MEGF8: variants seen among roughly 807,000 people sequenced by gnomAD.
MEGF8 encodes multiple epidermal growth factor-like domains protein 8.
In MEGF8, 156 loss-of-function variants were observed where a neutral mutation model predicts 302.9. The ratio of observed to expected loss-of-function variants is 0.52; its 90% CI spans 0.45 to 0.59. The LOEUF is 0.59. Ranked by LOEUF, MEGF8 falls within the 20% of genes least tolerant of loss-of-function variation. The pLI, the probability that MEGF8 is intolerant of heterozygous loss-of-function variation, is 0.00. For missense variants in MEGF8, 3,345 were observed against 3,964.5 expected (o/e 0.84, Z 4.20); for synonymous variants, 1,621 against 1,660.5 (o/e 0.98, Z 0.58).
intron 31 of MEGF8, among the ~76,000 whole-genome samples, chr19:42,360,229 A>G (rs1293985604): frequency 1.4e-5 from 2 of 147,556 alleles, no homozygotes; most frequent in Non-Finnish European, 3.0e-5. Context: ...GTTCGAAAAC[A>G]TTTGTCTCTC....
At chr19:42,363,617 T>C (rs2039564226) in intron 35 of MEGF8, among the ~76,000 whole-genome samples, 1 of 152,182 alleles carries the variant, frequency 6.6e-6, no homozygotes, top group Non-Finnish European at 1.5e-5. Flanking sequence ...ATTCATAGGT[T>C]CACATCCACG....
chr19:42,344,591 T>C lies in MEGF8; in HGVS notation c.1933+6T>C, dbSNP rs1460356055. The C allele has an allele frequency of 2.5e-6, 4 of 1,587,592 alleles. No individual in the cohort carries two copies. Among genetic ancestry groups the C allele is most frequent in the Admixed American group, 1.7e-5 (1 of 58,582 alleles). ...GAGCTGCCTCCCTAGGCCTGGTGAG[T>C]GTCCGCAGCAGTGGGCCGGCAGGAG... On this transcript the variant is annotated splice_donor_region_variant and intron_variant, in intron 11 of 41. Transcript: ENST00000251268. This position sits in a 1 kb window ranked among gnomAD's most constrained non-coding sequence, Gnocchi z 4.5.
intron 9 of MEGF8, 31 bp downstream of exon 9, chr19:42,343,662 C>A: frequency 6.4e-7 from 1 of 1,572,064 alleles, no homozygotes; most frequent in East Asian, 2.3e-5. Context: ...GAAAGGGTGG[C>A]TGGGGGGAGG....
chr19:42,348,845 G>A lies in MEGF8; in HGVS notation c.2298+373G>A, dbSNP rs563232140. On this transcript the variant is annotated intron_variant, in intron 13 of 41. Coordinates refer to ENST00000251268, the MANE Select transcript of MEGF8 (RefSeq NM_001271938.2). ...TGGAACTCCTGACCTCAGATGATCC[G>A]CCACCTTGGCCTCCCAAAGTGCTGG... is the stretch of plus-strand genomic sequence containing the variant. Among the ~76,000 whole-genome samples, 6 of 152,308 alleles carry A rather than the reference G, an allele frequency of 3.9e-5. No homozygotes were observed. The East Asian group carries it at 5.8e-4, about 15-fold the overall frequency.
In MEGF8 at chr19:42,375,146, G is replaced by A. The variant is rs1435936505; in HGVS notation, c.7270-361G>A. 1.3e-5 allele frequency among the ~76,000 whole-genome samples: 2 copies of A among 152,182 alleles called. No individual in the cohort carries two copies. The highest frequency in any genetic ancestry group is 2.4e-5 in the African/African-American group (1 of 41,438). On this transcript the variant is annotated intron_variant, in intron 41 of 41. Transcript: ENST00000251268. The surrounding 1 kb of genome is among the most constrained non-coding windows in gnomAD (Gnocchi z 7.1). ...CAGAGCTCATGGGTTAAGTCTGTGT[G>A]CTCAGGCTCAGTGAGGTTAAGTCAC...
In MEGF8 at chr19:42,349,619, G is replaced by T. The variant is rs1169002649; in HGVS notation, c.2419G>T (p.Gly807Cys). 1 of 1,612,182 alleles carries T rather than the reference G, an allele frequency of 6.2e-7. No individual in the cohort carries two copies. Among genetic ancestry groups the T allele is most frequent in the Non-Finnish European group, 8.5e-7 (1 of 1,179,802 alleles). Reference protein sequence around the residue: ...RDHKYAVEIQGQLNGSAGPGH... With the variant: ...RDHKYAVEIQCQLNGSAGPGH... ...CCACAAGTATGCAGTAGAGATCCAG[G>T]GCCAGCTCAATGGCTCGGCAGGCCC... is the stretch of plus-strand genomic sequence containing the variant. Residue 807 changes from glycine (G) to cysteine (C), a missense_variant, in exon 14 of 42, where the codon GGC becomes TGC. Coordinates refer to ENST00000251268, the MANE Select transcript of MEGF8 (RefSeq NM_001271938.2).
rs200838638 is a variant in MEGF8 at position 42,353,033 on chromosome 19, G to A, written c.3456G>A (p.Pro1152=). The change falls in exon 20 of 42, where the codon CCG becomes CCA. Residue 1152 remains proline, a synonymous_variant. Coordinates refer to ENST00000251268, the MANE Select transcript of MEGF8 (RefSeq NM_001271938.2). The surrounding 1 kb of genome is among the most constrained non-coding windows in gnomAD (Gnocchi z 6.1). ...ACCTGCCCCCTCCCACACCCGCCCC[G>A]GGTCCGCCAGCCCCCCGCTGCTCCC... ...TSDLPPPTPA[P]GPPAPRCSRD... 1.7e-4 allele frequency: 259 copies of A among 1,554,840 alleles called. No homozygotes were observed. In the East Asian group the frequency reaches 2.7e-3, roughly 16 times the overall value.
chr19:42,357,834 G>C lies in MEGF8; in HGVS notation c.5011+250G>C, dbSNP rs1245061197. Among the ~76,000 whole-genome samples, 5 of 152,102 alleles carry C rather than the reference G, an allele frequency of 3.3e-5. No individual in the cohort carries two copies. Among genetic ancestry groups the C allele is most frequent in the Non-Finnish European group, 7.4e-5 (5 of 67,992 alleles). ...CCTGCCCCCAGGGTCTGAGCTCCCT[G>C]CTTCTCAAGGGTTCTTCCTCGATCA... On this transcript the variant is annotated intron_variant, in intron 28 of 41. Transcript: ENST00000251268. This position sits in a 1 kb window ranked among gnomAD's most constrained non-coding sequence, Gnocchi z 5.2.
At position 42,376,883 on chromosome 19, in the gene MEGF8, T is replaced by A; in HGVS notation, c.*108T>A. The A allele has an allele frequency of 7.9e-7, 1 of 1,260,660 alleles. No individual in the cohort carries two copies. Among genetic ancestry groups the A allele is most frequent in the Non-Finnish European group, 1.0e-6 (1 of 968,048 alleles). The allele number at this position is 1,260,660 out of a possible 1,614,324, so 78.1% of individuals were successfully genotyped here. A position where few individuals can be genotyped will look rare whatever the true frequency, so the allele number is the denominator to read the frequency against. ...TGGACACTGTCTACTTGGAGACCAC[T>A]GGCCCCCTTCCCCCAGGGTTGCCCA... On this transcript the variant is annotated 3_prime_UTR_variant, in exon 42 of 42. Coordinates refer to ENST00000251268, the MANE Select transcript of MEGF8 (RefSeq NM_001271938.2). The surrounding 1 kb of genome is among the most constrained non-coding windows in gnomAD (Gnocchi z 8.2).
In MEGF8 at chr19:42,344,884, G is replaced by C. The variant is rs2039267229; in HGVS notation, c.2097+51G>C. ...GGGGTGTTGATGATCCTGATCCTAG[G>C]GTTTGTTTTTTCTCAAATGCATCTT... On this transcript the variant is annotated intron_variant, in intron 12 of 41. Transcript: ENST00000251268. This position sits in a 1 kb window ranked among gnomAD's most constrained non-coding sequence, Gnocchi z 4.5. The C allele has an allele frequency of 1.0e-5, 15 of 1,457,734 alleles. No individual in the cohort carries two copies. Among genetic ancestry groups the C allele is most frequent in the Non-Finnish European group, 1.4e-5 (15 of 1,098,036 alleles). 90.3% of individuals were successfully genotyped at this position (1,457,734 alleles called of 1,614,324 possible). A position where few individuals can be genotyped will look rare whatever the true frequency, so the allele number is the denominator to read the frequency against.
chr19:42,373,424 A>G (rs2039720040), intron 41 of MEGF8, among the ~76,000 whole-genome samples: 1 of 151,666 alleles, frequency 6.6e-6, no homozygotes, highest in Non-Finnish European at 1.5e-5. Context: ...TTTTTAAGAC[A>G]GGGTCTGGCT....
chr19:42,369,930 G>C lies in MEGF8; in HGVS notation c.6834+207G>C, dbSNP rs10407085. Among the ~76,000 whole-genome samples, 3,395 of 152,332 alleles carry C rather than the reference G, an allele frequency of 0.022. 134 individuals carry two copies. The highest frequency in any genetic ancestry group is 0.076 in the African/African-American group (3,149 of 41,574). On this transcript the variant is annotated intron_variant, in intron 38 of 41. Coordinates refer to ENST00000251268, the MANE Select transcript of MEGF8 (RefSeq NM_001271938.2). The surrounding 1 kb of genome is among the most constrained non-coding windows in gnomAD (Gnocchi z 5.7). ...GAGGGTCTGCCCTGGAATAGTGGACGGAGTGGGTGCTGCGCCAGGAGGACA... is the reference window on the plus strand; with the variant it reads ...GAGGGTCTGCCCTGGAATAGTGGACCGAGTGGGTGCTGCGCCAGGAGGACA...
At position 42,351,529 on chromosome 19, in the gene MEGF8, C is replaced by A; in HGVS notation, c.2956C>A (p.Pro986Thr). The A allele has an allele frequency of 6.2e-7, 1 of 1,609,334 alleles. No homozygotes were observed. The highest frequency in any genetic ancestry group is 2.2e-5 in the East Asian group (1 of 44,674). Residue 986 changes from proline (P) to threonine (T), a missense_variant, in exon 17 of 42, where the codon CCA becomes ACA. Pro to Thr is a conservative substitution (Grantham distance 38). Coordinates refer to ENST00000251268, the MANE Select transcript of MEGF8 (RefSeq NM_001271938.2). This position sits in a 1 kb window ranked among gnomAD's most constrained non-coding sequence, Gnocchi z 5.6. ...FLFAAYLARY[P>T]HGGCRGWDDS... is the part of the protein sequence containing the mutation. ...GTTTGCTGCCTACTTGGCCCGGTAC[C>A]CACACGGGGGCTGTCGAGGCTGGGA...
chr19:42,348,587 GA>G lies in MEGF8; in HGVS notation c.2298+116del, dbSNP rs2039323440. ...CTGGGGAAGGGCTGGGGAGAAATTA[GA>G]GGCAGGAGATGGATTTTTTGTGTGT... On this transcript the variant is annotated intron_variant, in intron 13 of 41. Transcript: ENST00000251268. 5.8e-6 allele frequency: 6 copies of G among 1,040,882 alleles called. No individual in the cohort carries two copies. The Admixed American group carries it at 1.2e-4, about 20-fold the overall frequency. 64.5% of individuals were successfully genotyped at this position (1,040,882 alleles called of 1,614,324 possible). A position where few individuals can be genotyped will look rare whatever the true frequency, so the allele number is the denominator to read the frequency against.
At position 42,368,741 on chromosome 19, in the gene MEGF8, C is replaced by A; in HGVS notation, c.6481+79C>A. ...ATACAGTGAACATAGGGATACTGGG[C>A]CAGACCCAGAGGTGGGGCTCAGAGG... On this transcript the variant is annotated intron_variant, in intron 36 of 41. Transcript: ENST00000251268. This position sits in a 1 kb window ranked among gnomAD's most constrained non-coding sequence, Gnocchi z 4.9. The A allele has an allele frequency of 6.5e-7, 1 of 1,549,884 alleles. No homozygotes were observed. Among genetic ancestry groups the A allele is most frequent in the Non-Finnish European group, 8.7e-7 (1 of 1,148,746 alleles).
chr19:42,337,840 G>A lies in MEGF8; in HGVS notation c.1513+634G>A, dbSNP rs540608520. On this transcript the variant is annotated intron_variant, in intron 8 of 41. Coordinates refer to ENST00000251268, the MANE Select transcript of MEGF8 (RefSeq NM_001271938.2). ...TTTTTTTGAGAGGGAGTCTCGCTCC[G>A]TCGCCCGGGCTAGAGTGCAGTAGCG... Among the ~76,000 whole-genome samples the A allele has an allele frequency of 8.0e-5, 12 of 149,284 alleles. No individual in the cohort carries two copies. The East Asian group carries it at 1.2e-3, about 15-fold the overall frequency.
Position 42,344,014 on chromosome 19 carries a change from T to C in MEGF8, c.1729T>C (p.Cys577Arg). The change falls in exon 10 of 42, where the codon TGC (cysteine) becomes CGC (arginine). Residue 577 changes from cysteine to arginine, a missense_variant. Cys to Arg is a radical substitution (Grantham distance 180). Coordinates refer to ENST00000251268, the MANE Select transcript of MEGF8 (RefSeq NM_001271938.2). This position sits in a 1 kb window ranked among gnomAD's most constrained non-coding sequence, Gnocchi z 4.5. ...CAGCGTCTGCTCCCGGGACCCGGAATGCAGTTGGTGCCAAGGAGCCTGCCA... is the reference window on the plus strand; with the variant it reads ...CAGCGTCTGCTCCCGGGACCCGGAACGCAGTTGGTGCCAAGGAGCCTGCCA... The part of the protein sequence containing the change: ...DHSVCSRDPE[C>R]SWCQGACQAA... 1 of 1,613,804 alleles carries C rather than the reference T, an allele frequency of 6.2e-7. No individual in the cohort carries two copies. The highest frequency in any genetic ancestry group is 8.5e-7 in the Non-Finnish European group (1 of 1,179,780).
Position 42,326,320 on chromosome 19 carries a change from G to T in MEGF8, c.77G>T (p.Arg26Leu), listed in dbSNP as rs377001753. 7.1e-5 allele frequency: 111 copies of T among 1,566,852 alleles called. No homozygotes were observed. The Middle Eastern group carries it at 2.2e-3, about 31-fold the overall frequency. ...CTGGGGTCGCTGTCCCCTGGGGCCC[G>T]GGCGGGGGACTGCAAGGGGCAGCGG... ...AVLGSLSPGA[R>L]AGDCKGQRQV... Residue 26 changes from arginine to leucine, a missense_variant, in exon 1 of 42, where the codon CGG (arginine) becomes CTG (leucine). Coordinates refer to ENST00000251268, the MANE Select transcript of MEGF8 (RefSeq NM_001271938.2).
chr19:42,352,969 C>T lies in MEGF8; in HGVS notation c.3392C>T (p.Pro1131Leu), dbSNP rs748525586. 28 of 1,600,984 alleles carry T rather than the reference C, an allele frequency of 1.7e-5. No homozygotes were observed. In the Admixed American group the frequency reaches 2.1e-4, roughly 12 times the overall value. The change falls in exon 20 of 42, where the codon CCG (proline) becomes CTG (leucine). Residue 1131 changes from proline to leucine, a missense_variant. By Grantham distance (98) the Pro-to-Leu change is moderately conservative. Transcript: ENST00000251268. This position sits in a 1 kb window ranked among gnomAD's most constrained non-coding sequence, Gnocchi z 4.4. ...GGCCATGGTGTGTGCAGTGGCCCCC[C>T]GGACTTTACCTGCGTGTGTGACCTA... ...DCGHGVCSGP[P>L]DFTCVCDLGW...
Sources: gnomAD v4.1 joint callset for allele counts (sites outside exome capture counted in the v4.1 genomes callset) on GRCh38, gnomAD v4.1.1 for gene constraint, Gnocchi (gnomAD v3.1) non-coding constraint, MANE v1.5 for transcripts, NCBI Gene and HGNC (gene_info 2026-07-23, HGNC 2026-07-21) for gene names.